Variants in SYT1 observed in about 807,000 individuals in gnomAD.
SYT1 encodes synaptotagmin-1.
SYT1 carries 8 observed loss-of-function variants against 44.8 expected under a neutral mutation model. The ratio of observed to expected loss-of-function variants is 0.18; its 90% CI spans 0.10 to 0.32. The LOEUF is 0.32. Among genes scored for constraint, SYT1 ranks in the 10% least tolerant of loss-of-function variants. The probability of loss-of-function intolerance (pLI) is 1.00; values close to 1 mark genes in which losing one functional copy is unlikely to be tolerated. For synonymous variants in SYT1, 154 were observed against 188.8 expected (o/e 0.82, Z 1.51); for missense variants, 286 against 509.3 (o/e 0.56, Z 4.22).
chr12:78,944,512 A>G (rs1405113010), intron 1 of SYT1, among the ~76,000 whole-genome samples: 1 of 151,170 alleles, frequency 6.6e-6, no homozygotes, highest in Non-Finnish European at 1.5e-5. Context: ...ATGCAAATAC[A>G]AAAAAAAACT....
intron 1 of SYT1, among the ~76,000 whole-genome samples, chr12:78,962,684 G>T (rs1879574226): frequency 6.6e-6 from 1 of 151,958 alleles, no homozygotes; most frequent in East Asian, 1.9e-4. Context: ...TAATAATGTG[G>T]CTCATAGGTA....
At chr12:79,440,812 G>A (rs1214204775) in intron 9 of SYT1, among the ~76,000 whole-genome samples, 2 of 152,142 alleles carry the variant, frequency 1.3e-5, no homozygotes, top group African/African-American at 4.8e-5. Flanking sequence ...GCACAAATGT[G>A]ACTCATAGGC....
At chr12:79,287,153 T>C (rs555393396) in intron 5 of SYT1, among the ~76,000 whole-genome samples, 1 of 152,290 alleles carries the variant, frequency 6.6e-6, no homozygotes, top group East Asian at 1.9e-4. Context: ...CTATTGATAA[T>C]AATTTCACAA....
At chr12:79,096,031 G>A (rs1253447045) in intron 3 of SYT1, among the ~76,000 whole-genome samples, 1 of 151,872 alleles carries the variant, frequency 6.6e-6, no homozygotes, top group Non-Finnish European at 1.5e-5. Flanking sequence ...GTTATGGGAG[G>A]ATGAGGGGAA....
chr12:79,006,345 C>T (rs958925807), intron 2 of SYT1, among the ~76,000 whole-genome samples: 1 of 152,002 alleles, frequency 6.6e-6, no homozygotes, highest in Admixed American at 6.6e-5. Context: ...GCTGAAATTG[C>T]CAAGGCCAAA....
chr12:79,075,487 G>A (rs1435936188), intron 3 of SYT1, among the ~76,000 whole-genome samples: 1 of 152,126 alleles, frequency 6.6e-6, no homozygotes, highest in Non-Finnish European at 1.5e-5. Flanking sequence ...AGCCATGTTT[G>A]GTTGGGCTTT....
At chr12:79,429,121 C>A (rs934747982) in intron 9 of SYT1, among the ~76,000 whole-genome samples, 2 of 152,184 alleles carry the variant, frequency 1.3e-5, no homozygotes, top group Non-Finnish European at 2.9e-5. Context: ...CCACTGGGAC[C>A]CACCTCCAGC....
At chr12:79,387,308 TA>T (rs1324385176) in intron 9 of SYT1, among the ~76,000 whole-genome samples, 2 of 152,204 alleles carry the variant, frequency 1.3e-5, no homozygotes, top group African/African-American at 4.8e-5. Flanking sequence ...AATGTAGTGA[TA>T]ATTCATAAGT....
intron 8 of SYT1, among the ~76,000 whole-genome samples, chr12:79,301,516 A>G (rs1032996873): frequency 6.6e-6 from 1 of 152,020 alleles, no homozygotes; most frequent in Non-Finnish European, 1.5e-5. Context: ...AACATGATTT[A>G]CCCCTTATCT....
intron 3 of SYT1, among the ~76,000 whole-genome samples, chr12:79,087,233 A>T (rs1413529600): frequency 2.0e-5 from 3 of 152,150 alleles, no homozygotes; most frequent in Admixed American, 2.0e-4. Flanking sequence ...TTTCATTGCA[A>T]ATGGAACTTC....
chr12:79,199,335 T>A (rs1873645121), intron 3 of SYT1, among the ~76,000 whole-genome samples: 2 of 152,148 alleles, frequency 1.3e-5, no homozygotes, highest in African/African-American at 4.8e-5. Context: ...AATAACAGCA[T>A]GATTTTGCAG....
chr12:79,097,511 G>A (rs1321343615), intron 3 of SYT1, among the ~76,000 whole-genome samples: 2 of 151,832 alleles, frequency 1.3e-5, no homozygotes, highest in East Asian at 1.9e-4. Context: ...GTTTTTGGAG[G>A]GCCTATAGAA....
chr12:78,997,297 A>G (rs1248720134), intron 2 of SYT1, among the ~76,000 whole-genome samples: 1 of 152,224 alleles, frequency 6.6e-6, no homozygotes, highest in Admixed American at 6.5e-5. Flanking sequence ...GGACCTAGAT[A>G]GATAACTCCA....
chr12:79,187,313 C>T (rs998471561), intron 3 of SYT1, among the ~76,000 whole-genome samples: 1 of 152,098 alleles, frequency 6.6e-6, no homozygotes, highest in Non-Finnish European at 1.5e-5. Context: ...AGGTCTTAAG[C>T]GGCAGCTGCT....
At chr12:79,111,748 A>C (rs1474019043) in intron 3 of SYT1, among the ~76,000 whole-genome samples, 3 of 151,876 alleles carry the variant, frequency 2.0e-5, no homozygotes, top group Non-Finnish European at 4.4e-5. Context: ...CAAAAAAAAA[A>C]ACTGAGACTC....
chr12:79,039,628 T>C (rs1304240730), intron 2 of SYT1, among the ~76,000 whole-genome samples: 2 of 151,490 alleles, frequency 1.3e-5, no homozygotes, highest in Non-Finnish European at 2.9e-5. Context: ...ATTTTTTTAT[T>C]TTTTTTATTA....
intron 3 of SYT1, among the ~76,000 whole-genome samples, chr12:79,106,284 G>T (rs1447189523): frequency 6.6e-6 from 1 of 152,114 alleles, no homozygotes; most frequent in African/African-American, 2.4e-5. Flanking sequence ...ATAACCCTAA[G>T]GTCCAAGTAT....
intron 1 of SYT1, among the ~76,000 whole-genome samples, chr12:78,919,070 CAG>C (rs1437580414): frequency 6.6e-6 from 1 of 151,968 alleles, no homozygotes; most frequent in African/African-American, 2.4e-5. Context: ...TTTGAGATGA[CAG>C]AGTTATTGAT....
chr12:78,983,175 T>A (rs1298532204), intron 2 of SYT1, among the ~76,000 whole-genome samples: 1 of 152,016 alleles, frequency 6.6e-6, no homozygotes, highest in African/African-American at 2.4e-5. Context: ...ATTAATATAA[T>A]CCACTATTTT....
Sources: gnomAD v4.1 joint callset for allele counts (sites outside exome capture counted in the v4.1 genomes callset) on GRCh38, gnomAD v4.1.1 for gene constraint, MANE v1.5 for transcripts, NCBI Gene and HGNC (gene_info 2026-07-23, HGNC 2026-07-21) for gene names.